ABLIM2: variants seen among roughly 807,000 people sequenced by gnomAD.
ABLIM2 encodes actin-binding LIM protein 2.
A neutral mutation model predicts 97.7 loss-of-function variants in ABLIM2; 53 were observed. That is an observed-to-expected ratio of 0.54 (90% CI 0.44 to 0.68). The LOEUF (loss-of-function observed/expected upper bound fraction) is 0.68, where lower values mean the gene tolerates loss of function less well. ABLIM2 is among the 30% of genes least tolerant of loss of function. The pLI is 0.00. For missense variants in ABLIM2, 835 were observed against 867.2 expected, an observed-to-expected ratio of 0.96 and a Z score of 0.47; for synonymous variants, 361 against 345.8, an observed-to-expected ratio of 1.04 and a Z score of -0.49.
rs116189687 is a variant in ABLIM2, at chr4:7,970,538, T to G, written c.1825-3435A>C. On this transcript the variant is annotated intron_variant, in intron 20 of 20. Coordinates refer to ENST00000447017, the MANE Select transcript of ABLIM2 (RefSeq NM_001130083.2). The surrounding 1 kb of genome is among the most constrained non-coding windows in gnomAD (Gnocchi z 5.3). Reference sequence around the variant, plus strand: ...GCTGGGGAAGGAGAGAAGGGCAGGCTTGAGGATGACACCATGTGCTCCAGG... The same window carrying G: ...GCTGGGGAAGGAGAGAAGGGCAGGCGTGAGGATGACACCATGTGCTCCAGG... Among the ~76,000 whole-genome samples the G allele has an allele frequency of 0.017, 2,625 of 151,754 alleles. 69 individuals are homozygous for G. Among genetic ancestry groups the G allele is most frequent in the African/African-American group, 0.053 (2,202 of 41,398 alleles).
chr4:8,105,448 C>A (rs1167957272), intron 2 of ABLIM2, among the ~76,000 whole-genome samples: 1 of 152,226 alleles, frequency 6.6e-6, no homozygotes, highest in African/African-American at 2.4e-5. Flanking sequence ...CCTCCTAGAG[C>A]CTTTGTGGAG....
chr4:7,965,452 T>C lies in ABLIM2; in HGVS notation c.*1538A>G, dbSNP rs906042458. Reference sequence around the variant, plus strand: ...CAATGGCAGGAAGCATATTAGGTGCTAAAAACTCCCCCTCCCTAGCCGAGC... The same window carrying C: ...CAATGGCAGGAAGCATATTAGGTGCCAAAAACTCCCCCTCCCTAGCCGAGC... On this transcript the variant is annotated 3_prime_UTR_variant, in exon 21 of 21. Coordinates refer to ENST00000447017, the MANE Select transcript of ABLIM2 (RefSeq NM_001130083.2). The C allele has an allele frequency of 2.0e-5, 3 of 152,462 alleles. No individual in the cohort carries two copies. The highest frequency in any genetic ancestry group is 7.2e-5 in the African/African-American group (3 of 41,380). 9.4% of individuals were successfully genotyped at this position (152,462 alleles called of 1,614,324 possible).
intron 5 of ABLIM2, among the ~76,000 whole-genome samples, chr4:8,078,710 C>T (rs760967542): frequency 2.6e-5 from 4 of 152,196 alleles, no homozygotes; most frequent in Non-Finnish European, 5.9e-5. Flanking sequence ...CTCACTTAAC[C>T]TCTCTGAGCC....
Position 8,055,414 on chromosome 4 carries a change from G to A in ABLIM2, c.764-1168C>T, listed in dbSNP as rs550238963. ...TGCACTCACACACCCAGCCTGACCC[G>A]CCACTCCCTGCGAGGGGCTGGCACT... On this transcript the variant is annotated intron_variant, in intron 7 of 20. Coordinates refer to ENST00000447017, the MANE Select transcript of ABLIM2 (RefSeq NM_001130083.2). 4.7e-5 allele frequency among the ~76,000 whole-genome samples: 7 copies of A among 149,900 alleles called. 1 individual carries two copies. In the East Asian group the frequency reaches 1.2e-3, roughly 25 times the overall value.
In ABLIM2 at chr4:8,058,627, C is replaced by G. The variant is rs111923987; in HGVS notation, c.763+2340G>C. On this transcript the variant is annotated intron_variant, in intron 7 of 20. Coordinates refer to ENST00000447017, the MANE Select transcript of ABLIM2 (RefSeq NM_001130083.2). The surrounding 1 kb of genome is among the most constrained non-coding windows in gnomAD (Gnocchi z 4.2). ...CATCATCAAGTCTGGGGGCTGCACTCCAGCACATGGCCCCTGTCCCACCAG... is the reference window on the plus strand; with the variant it reads ...CATCATCAAGTCTGGGGGCTGCACTGCAGCACATGGCCCCTGTCCCACCAG... Among the ~76,000 whole-genome samples the G allele has an allele frequency of 5.3e-5, 8 of 152,198 alleles. No individual in the cohort carries two copies. Among genetic ancestry groups the G allele is most frequent in the African/African-American group, 1.7e-4 (7 of 41,456 alleles).
chr4:7,968,458 C>A (rs1486347716), intron 20 of ABLIM2, among the ~76,000 whole-genome samples: 1 of 152,222 alleles, frequency 6.6e-6, no homozygotes, highest in Non-Finnish European at 1.5e-5. Flanking sequence ...AATAGATACA[C>A]AGAATGTGAC....
Position 8,150,837 on chromosome 4 carries a change from G to A in ABLIM2, c.10+7843C>T, listed in dbSNP as rs1011313569. ...ATGGGGCTGGCAGGGGAGACAGCAGGACCAGAGAAGGGGAGGGGAAGCTAT... is the reference window on the plus strand; with the variant it reads ...ATGGGGCTGGCAGGGGAGACAGCAGAACCAGAGAAGGGGAGGGGAAGCTAT... On this transcript the variant is annotated intron_variant, in intron 1 of 20. Coordinates refer to ENST00000447017, the MANE Select transcript of ABLIM2 (RefSeq NM_001130083.2). The surrounding 1 kb of genome is among the most constrained non-coding windows in gnomAD (Gnocchi z 6.3). 1.3e-5 allele frequency among the ~76,000 whole-genome samples: 2 copies of A among 152,168 alleles called. No homozygotes were observed. The highest frequency in any genetic ancestry group is 6.5e-5 in the Admixed American group (1 of 15,280).
At chr4:8,000,414 A>G (rs1302526626) in intron 16 of ABLIM2, among the ~76,000 whole-genome samples, 1 of 152,112 alleles carries the variant, frequency 6.6e-6, no homozygotes, top group Admixed American at 6.5e-5. Context: ...AGGGAACTTC[A>G]AACTCAGAGA....
At chr4:8,073,187 G>T (rs1182199871) in intron 6 of ABLIM2, among the ~76,000 whole-genome samples, 1 of 151,590 alleles carries the variant, frequency 6.6e-6, no homozygotes, top group Non-Finnish European at 1.5e-5. Flanking sequence ...TGGCCAGAGC[G>T]GCTGGACCCA....
At position 8,001,151 on chromosome 4, in the gene ABLIM2, C is replaced by T. The variant is rs553005714; in HGVS notation, c.1618+6908G>A. ...ACGGGCACCCCTCATCCCTGAGCAG[C>T]GGTGAATGAAATGCTGGTTCAGCTG... On this transcript the variant is annotated intron_variant, in intron 16 of 20. Transcript: ENST00000447017. The surrounding 1 kb of genome is among the most constrained non-coding windows in gnomAD (Gnocchi z 4.2). 8.5e-5 allele frequency among the ~76,000 whole-genome samples: 13 copies of T among 152,292 alleles called. No individual in the cohort carries two copies. Among genetic ancestry groups the T allele is most frequent in the Admixed American group, 7.2e-4 (11 of 15,302 alleles).
rs1482986439 is a variant in ABLIM2 at position 8,032,022 on chromosome 4, C to T, written c.1048-2246G>A. Among the ~76,000 whole-genome samples the T allele has an allele frequency of 3.3e-5, 5 of 152,122 alleles. No individual in the cohort carries two copies. Among genetic ancestry groups the T allele is most frequent in the African/African-American group, 7.2e-5 (3 of 41,502 alleles). On this transcript the variant is annotated intron_variant, in intron 10 of 20. Transcript: ENST00000447017. This position sits in a 1 kb window ranked among gnomAD's most constrained non-coding sequence, Gnocchi z 4.3. Reference sequence around the variant, plus strand: ...GATTACAGGTGTGAGCCACCACGCCCAGCCTATGAAATGTTTACAATGGCA... The same window carrying T: ...GATTACAGGTGTGAGCCACCACGCCTAGCCTATGAAATGTTTACAATGGCA...
intron 7 of ABLIM2, among the ~76,000 whole-genome samples, chr4:8,057,720 G>A (rs1415906837): frequency 2.6e-5 from 4 of 152,232 alleles, no homozygotes; most frequent in African/African-American, 7.2e-5. Context: ...GGGAAAGTCC[G>A]CGGCAGGAAC....
rs1275770757 is a variant in ABLIM2, at chr4:8,127,238, C to T, written c.11-20601G>A. ...CTGGAGTCCAGACGCAGCTCCGATACCAGCACCGTGTGAGGTTGGATCAGA... is the reference window on the plus strand; with the variant it reads ...CTGGAGTCCAGACGCAGCTCCGATATCAGCACCGTGTGAGGTTGGATCAGA... On this transcript the variant is annotated intron_variant, in intron 1 of 20. Coordinates refer to ENST00000447017, the MANE Select transcript of ABLIM2 (RefSeq NM_001130083.2). The surrounding 1 kb of genome is among the most constrained non-coding windows in gnomAD (Gnocchi z 7.3). 6.6e-6 allele frequency among the ~76,000 whole-genome samples: 1 copy of T among 152,158 alleles called. No homozygotes were observed. The highest frequency in any genetic ancestry group is 1.5e-5 in the Non-Finnish European group (1 of 68,028).
At chr4:8,045,666 A>G (rs192330535) in intron 8 of ABLIM2, among the ~76,000 whole-genome samples, 25 of 151,682 alleles carry the variant, frequency 1.6e-4, no homozygotes, top group East Asian at 5.8e-4. Context: ...ATGAATGAAT[A>G]AATAAATAAA....
intron 4 of ABLIM2, among the ~76,000 whole-genome samples, chr4:8,081,551 G>A (rs1320222620): frequency 1.3e-5 from 2 of 152,248 alleles, no homozygotes; most frequent in African/African-American, 4.8e-5. Context: ...GCAGGCTGGG[G>A]AGCTGGGGAG....
chr4:8,022,168 TG>T lies in ABLIM2; in HGVS notation c.1268-1866del, dbSNP rs1196088023. Reference sequence around the variant, plus strand: ...GAACTCTGAACAGAGGAAGACGGTTTGCTTCAGGCACCATCTCTAAGCTGTG... The same window carrying T: ...GAACTCTGAACAGAGGAAGACGGTTTCTTCAGGCACCATCTCTAAGCTGTG... On this transcript the variant is annotated intron_variant, in intron 12 of 20. Coordinates refer to ENST00000447017, the MANE Select transcript of ABLIM2 (RefSeq NM_001130083.2). This position sits in a 1 kb window ranked among gnomAD's most constrained non-coding sequence, Gnocchi z 7.8. Among the ~76,000 whole-genome samples, 1 of 152,208 alleles carries T rather than the reference TG, an allele frequency of 6.6e-6. No individual in the cohort carries two copies. Among genetic ancestry groups the T allele is most frequent in the Admixed American group, 6.5e-5 (1 of 15,278 alleles).
chr4:8,063,727 T>C (rs1178285938), intron 6 of ABLIM2, among the ~76,000 whole-genome samples: 1 of 152,270 alleles, frequency 6.6e-6, no homozygotes, highest in African/African-American at 2.4e-5. Flanking sequence ...TGCTCACTGC[T>C]AAGGCTTGAA....
At chr4:8,098,925 ACT>A (rs1054009182) in intron 2 of ABLIM2, among the ~76,000 whole-genome samples, 5 of 152,040 alleles carry the variant, frequency 3.3e-5, no homozygotes, top group African/African-American at 1.2e-4. Context: ...AAAAATGAAA[ACT>A]CAGAACGAAA....
intron 20 of ABLIM2, among the ~76,000 whole-genome samples, chr4:7,977,829 A>AAATAAAT (rs1265921632): frequency 2.4e-5 from 2 of 82,392 alleles, no homozygotes; most frequent in South Asian, 3.6e-4. Context: ...AATAAATAAA[A>AAATAAAT]GGTGGGGCAG....
Sources: allele counts gnomAD v4.1 joint callset (sites outside exome capture counted in the v4.1 genomes callset), GRCh38; gene constraint gnomAD v4.1.1; non-coding constraint Gnocchi (gnomAD v3.1); transcripts MANE v1.5; gene names NCBI Gene and HGNC (gene_info 2026-07-23, HGNC 2026-07-21).